Variants in ALKBH1 observed in about 807,000 individuals in gnomAD.
ALKBH1 encodes the protein alkB homolog 1, histone H2A dioxygenase.
A neutral mutation model predicts 36.6 loss-of-function variants in ALKBH1; 31 were observed. That is an observed-to-expected ratio of 0.85 (90% confidence interval 0.64 to 1.14). The LOEUF (loss-of-function observed/expected upper bound fraction) is 1.14, where lower values mean the gene tolerates loss of function less well. Among genes scored for constraint, ALKBH1 ranks in the 50% most tolerant of loss-of-function variants. ALKBH1 has a pLI of 0.00. For synonymous variants in ALKBH1, 183 were observed against 186.6 expected, an observed-to-expected ratio of 0.98 and a Z score of 0.16; for missense variants, 490 against 497.3, an observed-to-expected ratio of 0.99 and a Z score of 0.14.
At chr14:77,686,684 C>T (rs1013828211) in intron 3 of ALKBH1, among the ~76,000 whole-genome samples, 4 of 152,108 alleles carry the variant, frequency 2.6e-5, no homozygotes, top group African/African-American at 7.2e-5. Flanking sequence ...AGTGCAGTGG[C>T]GTGATCTCGG....
intron 2 of ALKBH1, among the ~76,000 whole-genome samples, chr14:77,703,136 ACTGT>A (rs892447954): frequency 2.6e-5 from 4 of 151,692 alleles, no homozygotes; most frequent in African/African-American, 9.7e-5. Flanking sequence ...ACAGAGTGAG[ACTGT>A]CTGGGAAAAA....
chr14:77,690,564 G>A (rs1249631159), intron 3 of ALKBH1, among the ~76,000 whole-genome samples: 1 of 152,208 alleles, frequency 6.6e-6, no homozygotes, highest in South Asian at 2.1e-4. Context: ...TGGCAGCTTA[G>A]ACCAAGGCAG....
intron 3 of ALKBH1, among the ~76,000 whole-genome samples, chr14:77,689,846 T>TAA (rs150009509): frequency 2.7e-5 from 4 of 149,934 alleles, no homozygotes; most frequent in African/African-American, 9.8e-5. Context: ...TGCACTTAAT[T>TAA]AAAAAAAAAA....
intron 4 of ALKBH1, 122 bp downstream of exon 4, chr14:77,679,753 TAAAAG>T: frequency 1.4e-6 from 1 of 730,984 alleles, no homozygotes; most frequent in Middle Eastern, 3.0e-4. Flanking sequence ...TTTAAGGAAA[TAAAAG>T]AAAGGGATCC....
At chr14:77,681,750 C>T (rs1474365532) in intron 3 of ALKBH1, among the ~76,000 whole-genome samples, 1 of 152,172 alleles carries the variant, frequency 6.6e-6, no homozygotes, top group Non-Finnish European at 1.5e-5. Flanking sequence ...TGGTCAACAC[C>T]TGCTTTGCTT....
In ALKBH1 at chr14:77,707,827, G is replaced by C. The variant is rs768770121; in HGVS notation, c.178C>G (p.Gln60Glu). The change falls in exon 1 of 6, where the codon CAA (glutamine) becomes GAA (glutamate). Residue 60 changes from glutamine to glutamate, a missense_variant. Gln to Glu is a conservative substitution (Grantham distance 29). Coordinates refer to ENST00000216489, the MANE Select transcript of ALKBH1 (RefSeq NM_006020.3). ...HAARGKGPGA[Q>E]KVIKSQLNVS... The stretch of plus-strand genomic sequence containing the variant: ...CGCCACTCCTCTCTCTGTACCTTTT[G>C]GGCACCAGGACCCTTGCCACGGGCT... The C allele has an allele frequency of 1.2e-5, 19 of 1,604,256 alleles. No homozygotes were observed. Among genetic ancestry groups the C allele is most frequent in the Non-Finnish European group, 1.6e-5 (19 of 1,175,144 alleles).
Position 77,680,677 on chromosome 14 carries a change from C to CTCTTTTTTTTTTTTTTTTTTTTT in ALKBH1, c.456-708_456-707insAAAAAAAAAAAAAAAAAAAAAGA, listed in dbSNP as rs774703181. 3.9e-4 allele frequency among the ~76,000 whole-genome samples: 48 copies of CTCTTTTTTTTTTTTTTTTTTTTT among 124,332 alleles called. 3 individuals are homozygous for CTCTTTTTTTTTTTTTTTTTTTTT. Among genetic ancestry groups the CTCTTTTTTTTTTTTTTTTTTTTT allele is most frequent in the African/African-American group, 1.5e-3 (48 of 31,350 alleles). The allele number at this position is 124,332 out of a possible 152,430, so 81.6% of individuals were successfully genotyped here. On this transcript the variant is annotated intron_variant, in intron 3 of 5. Transcript: ENST00000216489. ...GATCAAATCTATGTGATTAACTACT[C>CTCTTTTTTTTTTTTTTTTTTTTT]TTTTTTTTTTTTTTTTTTTGAGACA...
At chr14:77,679,541 T>C (rs7148126) in intron 4 of ALKBH1, among the ~76,000 whole-genome samples, 81,146 of 151,820 alleles carry the variant, frequency 0.53, 22,066 homozygotes, top group African/African-American at 0.6. Context: ...AGTAATCCTC[T>C]CACCTCAGCC....
At chr14:77,690,768 TACAA>T (rs2080292667) in intron 3 of ALKBH1, among the ~76,000 whole-genome samples, 1 of 152,194 alleles carries the variant, frequency 6.6e-6, no homozygotes, top group African/African-American at 2.4e-5. Flanking sequence ...TTTTTTCTGT[TACAA>T]ACAATGTCAC....
At chr14:77,678,762 T>A (rs1222170087) in intron 4 of ALKBH1, among the ~76,000 whole-genome samples, 1 of 152,080 alleles carries the variant, frequency 6.6e-6, no homozygotes, top group Non-Finnish European at 1.5e-5. Context: ...CACGAAACTG[T>A]CAACTGTAGG....
At position 77,673,699 on chromosome 14, in the gene ALKBH1, T is replaced by TGA; in HGVS notation, c.*112_*113insTC. On this transcript the variant is annotated 3_prime_UTR_variant, in exon 6 of 6. Coordinates refer to ENST00000216489, the MANE Select transcript of ALKBH1 (RefSeq NM_006020.3). ...CAACAGTGTGATCAACAATGAGTTC[T>TGA]TCCCTGTCTCTGTTTTTGGCTTGTC... The TGA allele has an allele frequency of 1.8e-6, 2 of 1,113,528 alleles. No individual in the cohort carries two copies. Among genetic ancestry groups the TGA allele is most frequent in the Non-Finnish European group, 2.6e-6 (2 of 771,598 alleles). 69.0% of individuals were successfully genotyped at this position (1,113,528 alleles called of 1,614,324 possible).
intron 2 of ALKBH1, among the ~76,000 whole-genome samples, chr14:77,697,949 G>T (rs2080337265): frequency 6.6e-6 from 1 of 151,992 alleles, no homozygotes; most frequent in Non-Finnish European, 1.5e-5. Flanking sequence ...GGAGGCACAG[G>T]TTGCAGTGAG....
At chr14:77,677,258 T>C (rs1274430870) in intron 4 of ALKBH1, among the ~76,000 whole-genome samples, 1 of 152,138 alleles carries the variant, frequency 6.6e-6, no homozygotes, top group Non-Finnish European at 1.5e-5. Flanking sequence ...CAGGGTGGTC[T>C]TGAACTTCTG....
At chr14:77,680,313 G>T (rs1454219100) in intron 3 of ALKBH1, among the ~76,000 whole-genome samples, 2 of 152,122 alleles carry the variant, frequency 1.3e-5, no homozygotes, top group African/African-American at 4.8e-5. Flanking sequence ...AGAGCACTAT[G>T]GGCAATCAAA....
At chr14:77,695,808 T>C (rs2080323673) in intron 2 of ALKBH1, among the ~76,000 whole-genome samples, 1 of 152,184 alleles carries the variant, frequency 6.6e-6, no homozygotes, top group Admixed American at 6.5e-5. Context: ...AAAAGATTAA[T>C]AATAGGCCGG....
chr14:77,700,545 A>G (rs114999483), intron 2 of ALKBH1, among the ~76,000 whole-genome samples: 3,183 of 152,294 alleles, frequency 0.021, 102 homozygotes, highest in African/African-American at 0.07. Context: ...TATCAGTAAA[A>G]TTCTCCAAAT....
chr14:77,688,674 C>A (rs766625732), intron 3 of ALKBH1, among the ~76,000 whole-genome samples: 1 of 151,414 alleles, frequency 6.6e-6, no homozygotes, highest in East Asian at 1.9e-4. Flanking sequence ...CACGTTCAAG[C>A]GATTCTCTCA....
intron 3 of ALKBH1, among the ~76,000 whole-genome samples, chr14:77,680,854 T>G (rs574223320): frequency 6.6e-6 from 1 of 152,168 alleles, no homozygotes; most frequent in South Asian, 2.1e-4. Context: ...TAATTTTGTA[T>G]TTTTAGTAGA....
Position 77,673,682 on chromosome 14 carries a change from TGA to T in ALKBH1, c.*128_*129del, listed in dbSNP as rs2080188428. On this transcript the variant is annotated 3_prime_UTR_variant, in exon 6 of 6. Transcript: ENST00000216489. ...CTGCGTGGGTTCCAAGGCAACAGTG[TGA>T]TCAACAATGAGTTCTTCCCTGTCTC... 1.0e-6 allele frequency: 1 copy of T among 959,346 alleles called. No individual in the cohort carries two copies. Among genetic ancestry groups the T allele is most frequent in the African/African-American group, 1.6e-5 (1 of 61,032 alleles). 59.4% of individuals were successfully genotyped at this position (959,346 alleles called of 1,614,324 possible).
Sources: allele counts gnomAD v4.1 joint callset (sites outside exome capture counted in the v4.1 genomes callset), GRCh38; gene constraint gnomAD v4.1.1; transcripts MANE v1.5; gene names NCBI Gene and HGNC (gene_info 2026-07-23, HGNC 2026-07-21).